PCGF1: variants seen among roughly 807,000 people sequenced by gnomAD.
The protein encoded by PCGF1 is polycomb group RING finger protein 1.
PCGF1 carries 10 observed loss-of-function variants against 38.8 expected under a neutral mutation model. The observed-to-expected ratio is 0.26, with a 90% confidence interval of 0.16 to 0.44. PCGF1 has a LOEUF of 0.44. Ranked by LOEUF, PCGF1 falls within the 20% of genes least tolerant of loss-of-function variation. PCGF1 has a pLI of 1.00. For synonymous variants in PCGF1, 119 were observed against 121.3 expected (o/e 0.98, Z 0.12); for missense variants, 230 against 331.5 (o/e 0.69, Z 2.38).
Position 74,507,025 on chromosome 2 carries a change from G to A in PCGF1, c.199+17C>T. 1 of 1,610,984 alleles carries A rather than the reference G, an allele frequency of 6.2e-7. No individual in the cohort carries two copies. The highest frequency in any genetic ancestry group is 8.5e-7 in the Non-Finnish European group (1 of 1,177,130). ...GACTAGGGACTGGAAGAACTAGGCA[G>A]TCTCCAAGGCACTCACAAGTATGAA... is the stretch of plus-strand genomic sequence containing the variant. On this transcript the variant is annotated intron_variant, in intron 2 of 8. Transcript: ENST00000233630.
At chr2:74,506,549 G>T in intron 3 of PCGF1, 183 bp downstream of exon 3, 1 of 699,938 alleles carries the variant, frequency 1.4e-6, no homozygotes. Flanking sequence ...CTGCACTCCA[G>T]CCTGGGCAAG....
rs1177968467 is a variant in PCGF1 at position 74,506,241 on chromosome 2, G to A, written c.364C>T (p.Arg122Trp). 3 of 1,613,930 alleles carry A rather than the reference G, an allele frequency of 1.9e-6. No individual in the cohort carries two copies. The highest frequency in any genetic ancestry group is 1.7e-6 in the Non-Finnish European group (2 of 1,180,018). ...CGGGACTGGTAGAATTCCCGAATCC[G>A]TTTCTCTTCACCTAGAAGAAGGTGA... Reference protein sequence around the residue: ...VPGLQDSEEKRIREFYQSRGL... With the variant: ...VPGLQDSEEKWIREFYQSRGL... The change falls in exon 4 of 9, where the codon CGG becomes TGG. Residue 122 changes from arginine to tryptophan, a missense_variant. Arg to Trp is a moderately radical substitution (Grantham distance 101, BLOSUM62 -3). This residue lies in a region of PCGF1 where 144 missense variants were observed against 182.4 expected (regional missense o/e 0.79). Transcript: ENST00000233630.
At position 74,507,256 on chromosome 2, in the gene PCGF1, C is replaced by A. The variant is rs116551748; in HGVS notation, c.94-109G>T. 7.5e-4 allele frequency: 1,114 copies of A among 1,488,502 alleles called. 4 individuals carry two copies. The African/African-American group carries it at 0.014, about 19-fold the overall frequency. 92.2% of individuals were successfully genotyped at this position (1,488,502 alleles called of 1,614,324 possible). A position where few individuals can be genotyped will look rare whatever the true frequency, so the allele number is the denominator to read the frequency against. ...TCACACTAGACGGCCAAGCCCCGCG[C>A]CCTGCGCCATCAGCCGGGGATTAGC... is the stretch of plus-strand genomic sequence containing the variant. On this transcript the variant is annotated intron_variant, in intron 1 of 8. Transcript: ENST00000233630.
At chr2:74,507,409 A>G in intron 1 of PCGF1, 167 bp downstream of exon 1, 1 of 1,457,058 alleles carries the variant, frequency 6.9e-7, no homozygotes, top group South Asian at 1.4e-5. Flanking sequence ...CACAACGCGC[A>G]GGCGTCCTAA....
Position 74,505,097 on chromosome 2 carries a change from A to G in PCGF1, c.*46T>C. On this transcript the variant is annotated 3_prime_UTR_variant, in exon 9 of 9. Coordinates refer to ENST00000233630, the MANE Select transcript of PCGF1 (RefSeq NM_032673.3). ...TAAAGCTGCAGTTCATTTCACATAA[A>G]TATCTGGGGAGGGAAGGGGAGTGGG... 6.9e-7 allele frequency: 1 copy of G among 1,446,536 alleles called. No individual in the cohort carries two copies. Among genetic ancestry groups the G allele is most frequent in the Admixed American group, 2.8e-5 (1 of 35,334 alleles). 89.6% of individuals were successfully genotyped at this position (1,446,536 alleles called of 1,614,324 possible). A position where few individuals can be genotyped will look rare whatever the true frequency, so the allele number is the denominator to read the frequency against.
intron 7 of PCGF1, 37 bp from the exon 8 acceptor site, chr2:74,505,456 C>T: frequency 1.9e-6 from 3 of 1,606,848 alleles, no homozygotes; most frequent in East Asian, 4.5e-5. Flanking sequence ...TAGGAACTTT[C>T]TGGCAGGTCA....
In PCGF1 at chr2:74,505,553, T is replaced by C. The variant is rs779456067; in HGVS notation, c.650A>G (p.His217Arg). 3 of 1,614,176 alleles carry C rather than the reference T, an allele frequency of 1.9e-6. No homozygotes were observed. Among genetic ancestry groups the C allele is most frequent in the Non-Finnish European group, 1.7e-6 (2 of 1,180,008 alleles). Reference sequence around the variant, plus strand: ...GAAACCTACTGTGGGACTACTCACATGCTGAGGGTTTAGCATCAAGCGGTG... The same window carrying C: ...GAAACCTACTGTGGGACTACTCACACGCTGAGGGTTTAGCATCAAGCGGTG... ...LCHRLMLNPQ[H>R]VQLLFDNEVL... is the part of the protein sequence containing the mutation. Residue 217 changes from histidine to arginine, a missense_variant and splice_region_variant, in exon 7 of 9, where the codon CAT becomes CGT. Transcript: ENST00000233630.
chr2:74,507,511 G>C (rs1306277054), intron 1 of PCGF1, 65 bp downstream of exon 1: 30 of 1,537,928 alleles, frequency 2.0e-5, no homozygotes, highest in South Asian at 3.6e-5. Context: ...GCCACCGCCC[G>C]TCCTTTAGCC....
At chr2:74,507,519 G>C in intron 1 of PCGF1, 57 bp downstream of exon 1, 1 of 1,544,146 alleles carries the variant, frequency 6.5e-7, no homozygotes, top group Non-Finnish European at 8.7e-7. Context: ...CCGTCCTTTA[G>C]CCCGCCCCAA....
At chr2:74,506,114 C>T in intron 4 of PCGF1, 57 bp from the exon 5 acceptor site, 1 of 1,612,378 alleles carries the variant, frequency 6.2e-7, no homozygotes, top group Non-Finnish European at 8.5e-7. Context: ...CTCCTCTTTC[C>T]CCAGAGAGCA....
In PCGF1 at chr2:74,506,876, T is replaced by G; in HGVS notation, c.208A>C (p.Ser70Arg). 1 of 1,614,156 alleles carries G rather than the reference T, an allele frequency of 6.2e-7. No homozygotes were observed. The highest frequency in any genetic ancestry group is 8.5e-7 in the Non-Finnish European group (1 of 1,180,014). The change falls in exon 3 of 9, where the codon AGT (serine) becomes CGT (arginine). Residue 70 changes from serine to arginine, a missense_variant. Transcript: ENST00000233630. The stretch of plus-strand genomic sequence containing the variant: ...GTTTGGAGGTACTTCACAATACAAC[T>G]CTTGCAGACTGCAGGAAAAGAAAAG... ...ITECLHTFCK[S>R]CIVKYLQTSK...
chr2:74,505,852 G>T (rs1421657983), intron 5 of PCGF1, 82 bp from the exon 6 acceptor site: 3 of 1,606,192 alleles, frequency 1.9e-6, no homozygotes, highest in Non-Finnish European at 2.6e-6. Flanking sequence ...TCTCTTCAAG[G>T]GGATAGGCAC....
At position 74,506,718 on chromosome 2, in the gene PCGF1, G is replaced by T; in HGVS notation, c.352+14C>A. On this transcript the variant is annotated intron_variant, in intron 3 of 8. Coordinates refer to ENST00000233630, the MANE Select transcript of PCGF1 (RefSeq NM_032673.3). ...GTCCTCAAGAGGCCCCTCAAAGTCAGGTTGGTGACTCACTGTCTTGCAAGC... is the reference window on the plus strand; with the variant it reads ...GTCCTCAAGAGGCCCCTCAAAGTCATGTTGGTGACTCACTGTCTTGCAAGC... The T allele has an allele frequency of 6.2e-7, 1 of 1,613,332 alleles. No homozygotes were observed. The highest frequency in any genetic ancestry group is 8.5e-7 in the Non-Finnish European group (1 of 1,179,810).
Position 74,507,650 on chromosome 2 carries a change from C to G in PCGF1, c.19G>C (p.Gly7Arg). ...AGCCTCATCGCGATCGCAATCTGGC[C>G]CCCCTGAGGAGACGCCATCTTAAAG... The part of the protein sequence containing the change: MASPQG[G>R]QIAIAMRLRN... Residue 7 changes from glycine to arginine, a missense_variant, in exon 1 of 9, where the codon GGC becomes CGC. Transcript: ENST00000233630. 1.3e-6 allele frequency: 2 copies of G among 1,567,040 alleles called. No individual in the cohort carries two copies. Among genetic ancestry groups the G allele is most frequent in the Non-Finnish European group, 1.7e-6 (2 of 1,156,550 alleles).
Position 74,507,634 on chromosome 2 carries a change from G to A in PCGF1, c.35C>T (p.Ala12Val). 1 of 1,578,496 alleles carries A rather than the reference G, an allele frequency of 6.3e-7. No homozygotes were observed. The highest frequency in any genetic ancestry group is 8.6e-7 in the Non-Finnish European group (1 of 1,162,702). ...ASPQGGQIAI[A>V]MRLRNQLQSV... ...CTGGAGCTGGTTCCGAAGCCTCATC[G>A]CGATCGCAATCTGGCCCCCCTGAGG... Residue 12 changes from alanine to valine, a missense_variant, in exon 1 of 9, where the codon GCG (alanine) becomes GTG (valine). Ala to Val is a moderately conservative substitution (Grantham distance 64). Transcript: ENST00000233630.
chr2:74,505,487 T>C, intron 7 of PCGF1, 65 bp downstream of exon 7: 1 of 1,610,132 alleles, frequency 6.2e-7, no homozygotes, highest in East Asian at 2.2e-5. Context: ...TGGTCCACCC[T>C]AGACTCTGTC....
rs1674604829 is a variant in PCGF1 at position 74,505,400 on chromosome 2, T to C, written c.671A>G (p.Asn224Ser). The C allele has an allele frequency of 6.2e-6, 10 of 1,610,462 alleles. No individual in the cohort carries two copies. The highest frequency in any genetic ancestry group is 1.7e-5 in the Admixed American group (1 of 59,304). The change falls in exon 8 of 9, where the codon AAT becomes AGT. Residue 224 changes from asparagine (N) to serine (S), a missense_variant. Physicochemically the swap from Asn to Ser is conservative, Grantham distance 46 (BLOSUM62 1). This residue lies in a region of PCGF1 where 144 missense variants were observed against 182.4 expected (regional missense o/e 0.79). Transcript: ENST00000233630. ...NPQHVQLLFD[N>S]EVLPDHMTMK... ...TGTCATGTGATCAGGGAGAACTTCA[T>C]TGTCAAAAAGGAGCTGCACCTAGGA...
chr2:74,505,229 GTTC>G lies in PCGF1; in HGVS notation c.733-42_733-40del, dbSNP rs750956649. 5.5e-5 allele frequency: 86 copies of G among 1,568,388 alleles called. No homozygotes were observed. The African/African-American group carries it at 1.1e-3, about 20-fold the overall frequency. ...GAGGAAGTAGTAGTCAGTGGGGAAT[GTTC>G]TTATATTATTCAAAGGGCCCCTCAG... On this transcript the variant is annotated intron_variant, in intron 8 of 8. Transcript: ENST00000233630.
In PCGF1 at chr2:74,505,610, G is replaced by C; in HGVS notation, c.593C>G (p.Ala198Gly). Residue 198 changes from alanine to glycine, a missense_variant, in exon 7 of 9, where the codon GCT becomes GGT. Physicochemically the swap from Ala to Gly is moderately conservative, Grantham distance 60 (BLOSUM62 0). Coordinates refer to ENST00000233630, the MANE Select transcript of PCGF1 (RefSeq NM_032673.3). ...QNKYVRCSVR[A>G]EVRHLRRVLC... The stretch of plus-strand genomic sequence containing the variant: ...GACCCTCCGGAGATGGCGTACCTCA[G>C]CTCTAACAGAACATCGGACATACTT... 1.2e-6 allele frequency: 2 copies of C among 1,614,088 alleles called. No homozygotes were observed. The highest frequency in any genetic ancestry group is 1.7e-6 in the Non-Finnish European group (2 of 1,180,020).
Sources: gnomAD v4.1 joint callset for allele counts on GRCh38, gnomAD v4.1.1 for gene constraint, gnomAD v4.1.1 regional missense constraint, MANE v1.5 for transcripts, NCBI Gene and HGNC (gene_info 2026-07-23, HGNC 2026-07-21) for gene names.